TRPC5: variants seen among roughly 807,000 people sequenced by gnomAD.
The protein encoded by TRPC5 is short transient receptor potential channel 5.
Under a neutral mutation model 56.5 loss-of-function variants are expected in TRPC5, and 9 were observed. That is an observed-to-expected ratio of 0.16 (90% CI 0.10 to 0.28). The LOEUF is 0.28. Ranked by LOEUF, TRPC5 falls within the 10% of genes least tolerant of loss-of-function variation. The probability of loss-of-function intolerance (pLI) is 1.00; values close to 1 mark genes in which losing one functional copy is unlikely to be tolerated. For synonymous variants in TRPC5, 282 were observed against 278.5 expected, an observed-to-expected ratio of 1.01 and a Z score of -0.13; for missense variants, 469 against 748.9, an observed-to-expected ratio of 0.63 and a Z score of 4.36.
chrX:111,774,029 A>G lies in TRPC5; in HGVS notation c.*2284T>C, dbSNP rs1945859454. On this transcript the variant is annotated 3_prime_UTR_variant, in exon 11 of 11. Coordinates refer to ENST00000262839, the MANE Select transcript of TRPC5 (RefSeq NM_012471.3). ...CTTCACTATAGCTAGTAAAGTCTTA[A>G]GCCCAAGTCACAACGATAACCCTGA... 8.9e-6 allele frequency among the ~76,000 whole-genome samples: 1 copy of G among 111,783 alleles called. No individual in the cohort carries two copies. Among genetic ancestry groups the G allele is most frequent in the Admixed American group, 9.5e-5 (1 of 10,511 alleles).
At chrX:111,896,719 C>T (rs762561793) in intron 3 of TRPC5, among the ~76,000 whole-genome samples, 1 of 111,748 alleles carries the variant, frequency 8.9e-6, no homozygotes, top group Admixed American at 9.6e-5. Flanking sequence ...AGCTCTGGCC[C>T]TGAATAAGGC....
intron 1 of TRPC5, among the ~76,000 whole-genome samples, chrX:111,995,956 G>GT (rs1253635869): frequency 4.2e-4 from 44 of 103,546 alleles, no homozygotes; most frequent in Admixed American, 1.1e-3. Context: ...TTTTTTGAAG[G>GT]TTTTTTTTTT....
At chrX:111,916,284 T>C (rs186604066) in intron 2 of TRPC5, among the ~76,000 whole-genome samples, 27 of 112,173 alleles carry the variant, frequency 2.4e-4, no homozygotes, top group African/African-American at 8.4e-4. Flanking sequence ...AAGGGTTAGA[T>C]GATTAGCTCT....
intron 1 of TRPC5, among the ~76,000 whole-genome samples, chrX:112,002,569 T>A: frequency 8.9e-6 from 1 of 112,020 alleles, no homozygotes; most frequent in Non-Finnish European, 1.9e-5. Context: ...AACTCCAAGC[T>A]ACTTAGAGCT....
intron 2 of TRPC5, among the ~76,000 whole-genome samples, chrX:111,917,714 C>G (rs1174957268): frequency 8.9e-6 from 1 of 112,279 alleles, no homozygotes; most frequent in African/African-American, 3.2e-5. Flanking sequence ...TCTGCCTGCC[C>G]TTGTTTCCTC....
At chrX:112,035,431 G>A (rs1258178043) in intron 1 of TRPC5, among the ~76,000 whole-genome samples, 1 of 105,829 alleles carries the variant, frequency 9.4e-6, no homozygotes, top group Non-Finnish European at 1.9e-5. Flanking sequence ...TTTAGCTACT[G>A]CTTTGACAGA....
At chrX:112,040,511 A>T (rs1246155549) in intron 1 of TRPC5, among the ~76,000 whole-genome samples, 1 of 111,897 alleles carries the variant, frequency 8.9e-6, no homozygotes, top group Non-Finnish European at 1.9e-5. Flanking sequence ...GATAAGAGTC[A>T]GCTGGAATAT....
intron 6 of TRPC5, among the ~76,000 whole-genome samples, chrX:111,837,783 T>G (rs1238829219): frequency 9.1e-6 from 1 of 110,052 alleles, no homozygotes; most frequent in Non-Finnish European, 1.9e-5. Context: ...ATTTAAAATC[T>G]TCGCTCAGCC....
intron 1 of TRPC5, among the ~76,000 whole-genome samples, chrX:112,028,758 T>C (rs767580315): frequency 9.0e-4 from 101 of 112,204 alleles, no homozygotes; most frequent in African/African-American, 3.1e-3. Flanking sequence ...GTCTTTATAG[T>C]ACCATGATTT....
chrX:111,829,913 A>G (rs977971549), intron 7 of TRPC5, among the ~76,000 whole-genome samples: 4 of 112,874 alleles, frequency 3.5e-5, no homozygotes, highest in Non-Finnish European at 7.5e-5. Flanking sequence ...AGCCATGAGA[A>G]TAGGCCACTG....
intron 3 of TRPC5, among the ~76,000 whole-genome samples, chrX:111,900,903 A>C (rs182346204): frequency 8.9e-6 from 1 of 111,814 alleles, no homozygotes; most frequent in Non-Finnish European, 1.9e-5. Flanking sequence ...TTTCAAACAA[A>C]TAATATTGCC....
At chrX:111,785,132 C>T (rs1945951440) in intron 7 of TRPC5, among the ~76,000 whole-genome samples, 1 of 112,241 alleles carries the variant, frequency 8.9e-6, no homozygotes, top group African/African-American at 3.2e-5. Context: ...CCCTGACCCT[C>T]GTGTAGCCTG....
intron 1 of TRPC5, among the ~76,000 whole-genome samples, chrX:111,992,203 G>T (rs1928373428): frequency 8.9e-6 from 1 of 112,251 alleles, no homozygotes; most frequent in South Asian, 3.6e-4. Context: ...ACTAGAAAAT[G>T]GTGGGAAGGA....
chrX:111,803,181 C>A (rs1358310123), intron 7 of TRPC5, among the ~76,000 whole-genome samples: 1 of 112,065 alleles, frequency 8.9e-6, no homozygotes, highest in Non-Finnish European at 1.9e-5. Context: ...CATGTCCCTG[C>A]AAAGGACATG....
chrX:111,859,584 G>T (rs778615343), intron 3 of TRPC5, among the ~76,000 whole-genome samples: 10 of 111,908 alleles, frequency 8.9e-5, no homozygotes, highest in Non-Finnish European at 1.7e-4. Context: ...CTATGAGTTG[G>T]GTGAATTCAT....
chrX:112,000,793 A>G (rs1928677828), intron 1 of TRPC5, among the ~76,000 whole-genome samples: 1 of 111,441 alleles, frequency 9.0e-6, no homozygotes, highest in Admixed American at 9.5e-5. Context: ...TTTTGTTCCC[A>G]TATATTTCTA....
At chrX:111,823,564 C>CA in intron 7 of TRPC5, among the ~76,000 whole-genome samples, 1 of 111,046 alleles carries the variant, frequency 9.0e-6, no homozygotes, top group East Asian at 2.8e-4. Flanking sequence ...TCTGCTTGCT[C>CA]ATTTGGGGAG....
chrX:112,056,602 C>T (rs1377433211), intron 1 of TRPC5, among the ~76,000 whole-genome samples: 2 of 112,118 alleles, frequency 1.8e-5, no homozygotes, highest in East Asian at 2.8e-4. Flanking sequence ...GCCATAGCAC[C>T]GTATGTTCTA....
intron 1 of TRPC5, among the ~76,000 whole-genome samples, chrX:112,048,816 G>T (rs183325229): frequency 2.6e-4 from 29 of 112,067 alleles, no homozygotes; most frequent in Non-Finnish European, 2.1e-4. Flanking sequence ...GTTAACTCAT[G>T]AGATTAGAAA....
Sources: gnomAD v4.1 joint callset for allele counts (sites outside exome capture counted in the v4.1 genomes callset) on GRCh38, gnomAD v4.1.1 for gene constraint, MANE v1.5 for transcripts, NCBI Gene and HGNC (gene_info 2026-07-23, HGNC 2026-07-21) for gene names.